Variants in SDK1 observed in about 807,000 individuals in gnomAD.
The protein encoded by SDK1 is protein sidekick-1.
SDK1 carries 157 observed loss-of-function variants against 245.5 expected under a neutral mutation model. That is an observed-to-expected ratio of 0.64 (90% CI 0.56 to 0.73). SDK1 has a LOEUF of 0.73. Among genes scored for constraint, SDK1 ranks in the 30% least tolerant of loss-of-function variants. The pLI is 0.00. For synonymous variants in SDK1, 1,647 were observed against 1,278.5 expected, an observed-to-expected ratio of 1.29 and a Z score of -6.15; for missense variants, 3,583 against 3,002.3, an observed-to-expected ratio of 1.19 and a Z score of -4.52.
chr7:4,116,022 G>T (rs1165615874), intron 25 of SDK1, among the ~76,000 whole-genome samples: 1 of 152,148 alleles, frequency 6.6e-6, no homozygotes, highest in Non-Finnish European at 1.5e-5. Context: ...GCTTTGGGGG[G>T]CTGCCATCCT....
intron 14 of SDK1, among the ~76,000 whole-genome samples, chr7:4,006,460 G>A (rs1335973839): frequency 6.6e-6 from 1 of 152,206 alleles, no homozygotes; most frequent in African/African-American, 2.4e-5. Flanking sequence ...GCCCTCTTCT[G>A]TGAGGACCGG....
At chr7:3,653,739 G>T (rs1696986086) in intron 4 of SDK1, among the ~76,000 whole-genome samples, 1 of 152,122 alleles carries the variant, frequency 6.6e-6, no homozygotes, top group Non-Finnish European at 1.5e-5. Flanking sequence ...TGTGATGAGG[G>T]TTTGCTCTAG....
chr7:3,550,176 T>C (rs1410684995), intron 1 of SDK1, among the ~76,000 whole-genome samples: 1 of 152,208 alleles, frequency 6.6e-6, no homozygotes, highest in African/African-American at 2.4e-5. Context: ...AATTTACATA[T>C]GTATATCTTA....
chr7:3,755,055 A>G (rs1234673397), intron 4 of SDK1, among the ~76,000 whole-genome samples: 1 of 152,186 alleles, frequency 6.6e-6, no homozygotes, highest in Non-Finnish European at 1.5e-5. Flanking sequence ...AACAGAGGCT[A>G]TTTATTCAGA....
chr7:4,165,171 C>T (rs1781426993), intron 32 of SDK1, among the ~76,000 whole-genome samples: 1 of 151,902 alleles, frequency 6.6e-6, no homozygotes, highest in Admixed American at 6.6e-5. Context: ...CCAGCCTGGC[C>T]AACATGGTGA....
At chr7:3,421,178 TCTC>T (rs1779524820) in intron 1 of SDK1, among the ~76,000 whole-genome samples, 1 of 151,802 alleles carries the variant, frequency 6.6e-6, no homozygotes, top group Admixed American at 6.6e-5. Flanking sequence ...TTCAAGTGAT[TCTC>T]CTGCCTGAGC....
chr7:3,533,391 A>T (rs1783414024), intron 1 of SDK1, among the ~76,000 whole-genome samples: 1 of 152,240 alleles, frequency 6.6e-6, no homozygotes, highest in Non-Finnish European at 1.5e-5. Flanking sequence ...CCAAGGGAGG[A>T]CTTCCATTTG....
chr7:3,833,058 T>C (rs192136148), intron 5 of SDK1, among the ~76,000 whole-genome samples: 23 of 152,244 alleles, frequency 1.5e-4, no homozygotes, highest in Admixed American at 3.9e-4. Context: ...ACCTCAGTAT[T>C]AGGCCTGCAT....
intron 14 of SDK1, among the ~76,000 whole-genome samples, chr7:4,005,213 T>C (rs1237136749): frequency 1.3e-5 from 2 of 151,532 alleles, no homozygotes; most frequent in African/African-American, 4.9e-5. Context: ...GCCTGGCTAA[T>C]TTTTTGTATT....
chr7:3,378,935 C>A (rs1357163162), intron 1 of SDK1, among the ~76,000 whole-genome samples: 2 of 152,126 alleles, frequency 1.3e-5, no homozygotes, highest in Non-Finnish European at 1.5e-5. Flanking sequence ...CCCACCCCTT[C>A]CCCGGAGCAG....
intron 1 of SDK1, among the ~76,000 whole-genome samples, chr7:3,305,603 T>C (rs1779396086): frequency 1.3e-5 from 2 of 152,218 alleles, no homozygotes; most frequent in African/African-American, 4.8e-5. Context: ...TTTACAACTT[T>C]GTAATTTGAG....
At chr7:3,515,400 A>T (rs557456628) in intron 1 of SDK1, among the ~76,000 whole-genome samples, 1 of 152,228 alleles carries the variant, frequency 6.6e-6, no homozygotes, top group Non-Finnish European at 1.5e-5. Context: ...GCACAGGTCC[A>T]TGTGATAGGC....
chr7:3,971,873 G>T (rs921718494), intron 12 of SDK1, among the ~76,000 whole-genome samples: 2 of 152,186 alleles, frequency 1.3e-5, no homozygotes, highest in South Asian at 2.1e-4. Context: ...GATACTCAAT[G>T]AGAGAAAAAT....
intron 2 of SDK1, among the ~76,000 whole-genome samples, chr7:3,619,548 A>G (rs569526517): frequency 2.6e-5 from 4 of 152,344 alleles, no homozygotes; most frequent in African/African-American, 9.6e-5. Flanking sequence ...TTTACTTTCC[A>G]AGGGCAACAG....
At chr7:3,612,884 G>T (rs74542428) in intron 1 of SDK1, among the ~76,000 whole-genome samples, 1 of 152,276 alleles carries the variant, frequency 6.6e-6, no homozygotes, top group African/African-American at 2.4e-5. Context: ...GGGACACGTG[G>T]ACTTTGTGGG....
At chr7:4,229,255 G>A (rs762410573) in intron 40 of SDK1, among the ~76,000 whole-genome samples, 1 of 152,044 alleles carries the variant, frequency 6.6e-6, no homozygotes, top group Non-Finnish European at 1.5e-5. Context: ...TCGTGATCGT[G>A]GTGTAAATAT....
At chr7:4,156,113 A>G (rs1473093259) in intron 30 of SDK1, among the ~76,000 whole-genome samples, 1 of 152,144 alleles carries the variant, frequency 6.6e-6, no homozygotes, top group South Asian at 2.1e-4. Context: ...ACTGAGGCAA[A>G]GTATGCTGTC....
At chr7:3,485,787 C>A (rs532354707) in intron 1 of SDK1, among the ~76,000 whole-genome samples, 201 of 139,302 alleles carry the variant, frequency 1.4e-3, no homozygotes, top group African/African-American at 5.2e-3. Flanking sequence ...AAGTGCTATT[C>A]CCACGTAAGT....
intron 4 of SDK1, among the ~76,000 whole-genome samples, chr7:3,651,579 A>T (rs1783015617): frequency 6.6e-6 from 1 of 152,212 alleles, no homozygotes; most frequent in African/African-American, 2.4e-5. Context: ...AGAGTAATCA[A>T]TAGACGTCCG....
Sources: gnomAD v4.1 joint callset for allele counts (sites outside exome capture counted in the v4.1 genomes callset) on GRCh38, gnomAD v4.1.1 for gene constraint, MANE v1.5 for transcripts, NCBI Gene and HGNC (gene_info 2026-07-23, HGNC 2026-07-21) for gene names.